Variants in NFIB observed in about 807,000 individuals in gnomAD.
NFIB encodes the protein nuclear factor 1 B-type.
NFIB carries 11 observed loss-of-function variants against 61.5 expected under a neutral mutation model. That is an observed-to-expected ratio of 0.18 (90% CI 0.11 to 0.30). NFIB has a LOEUF of 0.30. NFIB is among the 10% of genes least tolerant of loss of function. The probability of loss-of-function intolerance (pLI) is 1.00; values close to 1 mark genes in which losing one functional copy is unlikely to be tolerated. For synonymous variants in NFIB, 260 were observed against 216.5 expected, an observed-to-expected ratio of 1.20 and a Z score of -1.76; for missense variants, 471 against 608.9, an observed-to-expected ratio of 0.77 and a Z score of 2.38.
At chr9:14,398,805 C>A (rs1211259747) in exon 1 of NFIB, 2 of 525,938 alleles carry the variant, frequency 3.8e-6, no homozygotes, top group African/African-American at 4.0e-5. Context: ...TGGAGCAGAG[C>A]AAGCTGTTAA....
intron 2 of NFIB, among the ~76,000 whole-genome samples, chr9:14,262,301 A>G (rs2056831801): frequency 6.6e-6 from 1 of 152,236 alleles, no homozygotes; most frequent in Admixed American, 6.5e-5. Flanking sequence ...CAGAGATACC[A>G]TCAAACCTCT....
At chr9:14,279,588 A>G (rs1460968384) in intron 2 of NFIB, among the ~76,000 whole-genome samples, 1 of 152,182 alleles carries the variant, frequency 6.6e-6, no homozygotes, top group Non-Finnish European at 1.5e-5. Flanking sequence ...CATAAATCTA[A>G]TTTGAAGGAT....
the NFIB span, among the ~76,000 whole-genome samples, chr9:14,495,446 C>CATTTTTTTTTTTTTTTT: frequency 8.5e-6 from 1 of 117,264 alleles, no homozygotes; most frequent in African/African-American, 3.8e-5. Context: ...GAGAAATGAA[C>CATTTTTTTTTTTTTTTT]TTTTTTTTTT....
the NFIB span, among the ~76,000 whole-genome samples, chr9:14,437,761 T>C: frequency 2.0e-5 from 3 of 152,182 alleles, no homozygotes; most frequent in Non-Finnish European, 4.4e-5. Context: ...CAGGCCAAGC[T>C]CTGTGTTCTC....
intron 2 of NFIB, among the ~76,000 whole-genome samples, chr9:14,254,225 TG>T (rs1202676601): frequency 6.6e-6 from 1 of 151,880 alleles, no homozygotes; most frequent in Admixed American, 6.6e-5. Flanking sequence ...CGCTTGAACC[TG>T]GGAGGTAGAG....
chr9:14,518,289 T>C, the NFIB span, among the ~76,000 whole-genome samples: 2 of 152,166 alleles, frequency 1.3e-5, no homozygotes, highest in African/African-American at 2.4e-5. Context: ...GGCTAAGTGT[T>C]TATGGATACA....
chr9:14,186,442 T>C (rs2047342533), intron 2 of NFIB, among the ~76,000 whole-genome samples: 4 of 152,038 alleles, frequency 2.6e-5, no homozygotes, highest in South Asian at 4.1e-4. Context: ...GATAATATAA[T>C]AAAACAGTAT....
At chr9:14,347,965 C>T (rs1463321689) in intron 1 of NFIB, among the ~76,000 whole-genome samples, 1 of 152,186 alleles carries the variant, frequency 6.6e-6, no homozygotes, top group Admixed American at 6.5e-5. Context: ...CCGCGCACCA[C>T]GTGCGCTCGC....
At chr9:14,283,195 G>A (rs1440467885) in intron 2 of NFIB, among the ~76,000 whole-genome samples, 3 of 152,114 alleles carry the variant, frequency 2.0e-5, no homozygotes, top group African/African-American at 4.8e-5. Flanking sequence ...AAAAGAAAAC[G>A]AACTGACATA....
chr9:14,196,120 C>T (rs1457289826), intron 2 of NFIB, among the ~76,000 whole-genome samples: 1 of 151,810 alleles, frequency 6.6e-6, no homozygotes, highest in East Asian at 1.9e-4. Flanking sequence ...ATTTTCCGTT[C>T]ACCTGTTTAC....
chr9:14,392,022 T>C (rs973664602), intron 1 of NFIB, among the ~76,000 whole-genome samples: 3 of 152,176 alleles, frequency 2.0e-5, no homozygotes, highest in Admixed American at 6.6e-5. Flanking sequence ...GGTAACAGAC[T>C]TCCTCCCAAA....
chr9:14,168,180 G>C (rs1052539707), intron 3 of NFIB, among the ~76,000 whole-genome samples: 1 of 152,158 alleles, frequency 6.6e-6, no homozygotes, highest in Non-Finnish European at 1.5e-5. Flanking sequence ...CACACTGCAA[G>C]AACAGGTTAT....
At chr9:14,357,549 G>GTTTGAAA (rs1449267074) in intron 1 of NFIB, 1 of 152,170 alleles carries the variant, frequency 6.6e-6, no homozygotes, top group African/African-American at 2.4e-5. Context: ...TATTCAAGAG[G>GTTTGAAA]TTTGAAATTC....
At position 14,088,078 on chromosome 9, in the gene NFIB, T is replaced by A; in HGVS notation, c.*231A>T. On this transcript the variant is annotated 3_prime_UTR_variant, in exon 11 of 11. Coordinates refer to ENST00000380953, the MANE Select transcript of NFIB (RefSeq NM_001190737.2). The stretch of plus-strand genomic sequence containing the variant: ...AAGTGCTGCAATTGCTGGTCTATTA[T>A]CTTCTTTCTTCAGTTTCTTTCCTTT... The A allele has an allele frequency of 1.1e-6, 1 of 937,154 alleles. No homozygotes were observed. The highest frequency in any genetic ancestry group is 3.0e-5 in the East Asian group (1 of 32,846). 58.1% of individuals were successfully genotyped at this position (937,154 alleles called of 1,614,324 possible).
the NFIB span, among the ~76,000 whole-genome samples, chr9:14,434,825 C>A: frequency 6.6e-6 from 1 of 152,178 alleles, no homozygotes; most frequent in African/African-American, 2.4e-5. Flanking sequence ...CACAGGAATA[C>A]CTAATCAATG....
At chr9:14,529,276 A>C in the NFIB span, among the ~76,000 whole-genome samples, 1 of 152,152 alleles carries the variant, frequency 6.6e-6, no homozygotes, top group Non-Finnish European at 1.5e-5. Flanking sequence ...CAATAAGAGA[A>C]TCTAACTGAA....
At chr9:14,498,773 C>A in the NFIB span, among the ~76,000 whole-genome samples, 1 of 34,618 alleles carries the variant, frequency 2.9e-5, no homozygotes, top group African/African-American at 1.2e-4. Context: ...GGCCCTCCCT[C>A]CCTCCCTCCC....
At chr9:14,091,717 T>C (rs948576045) in intron 10 of NFIB, among the ~76,000 whole-genome samples, 1 of 152,032 alleles carries the variant, frequency 6.6e-6, no homozygotes, top group Non-Finnish European at 1.5e-5. Flanking sequence ...AAGATGAGCA[T>C]AGCTGAAAGT....
chr9:14,202,497 A>G (rs1362093425), intron 2 of NFIB, among the ~76,000 whole-genome samples: 1 of 152,212 alleles, frequency 6.6e-6, no homozygotes, highest in Non-Finnish European at 1.5e-5. Flanking sequence ...ATGGAGCCAC[A>G]CTACATGAAA....
Sources: allele counts gnomAD v4.1 joint callset (sites outside exome capture counted in the v4.1 genomes callset), GRCh38; gene constraint gnomAD v4.1.1; transcripts MANE v1.5; gene names NCBI Gene and HGNC (gene_info 2026-07-23, HGNC 2026-07-21).